CMSS1: variants seen among roughly 807,000 people sequenced by gnomAD.
CMSS1 encodes protein CMSS1.
CMSS1 carries 33 observed loss-of-function variants against 43.5 expected under a neutral mutation model. The ratio of observed to expected loss-of-function variants is 0.76; its 90% confidence interval spans 0.57 to 1.01. The LOEUF is 1.01. CMSS1 is among the 50% of genes least tolerant of loss of function. The pLI is 0.00. For synonymous variants in CMSS1, 115 were observed against 117.2 expected (o/e 0.98, Z 0.12); for missense variants, 313 against 326.4 (o/e 0.96, Z 0.32).
chr3:99,866,630 C>A (rs1055758225), intron 1 of CMSS1, among the ~76,000 whole-genome samples: 1 of 152,100 alleles, frequency 6.6e-6, no homozygotes, highest in Admixed American at 6.6e-5. Flanking sequence ...GAGGTTCAGG[C>A]AGTTAGAGGA....
intron 1 of CMSS1, among the ~76,000 whole-genome samples, chr3:99,889,234 TTG>T (rs1254208153): frequency 2.0e-5 from 3 of 152,076 alleles, no homozygotes; most frequent in Non-Finnish European, 2.9e-5. Flanking sequence ...ATGGATTAGT[TTG>T]TCCTTGTGTT....
At chr3:99,980,809 A>G (rs1017769537) in intron 1 of CMSS1, among the ~76,000 whole-genome samples, 1 of 152,144 alleles carries the variant, frequency 6.6e-6, no homozygotes, top group Non-Finnish European at 1.5e-5. Context: ...AGAGAGAGTG[A>G]GTGACATGTT....
chr3:100,149,274 GA>G (rs1235437320), intron 2 of CMSS1, among the ~76,000 whole-genome samples: 1 of 152,144 alleles, frequency 6.6e-6, no homozygotes, highest in East Asian at 1.9e-4. Flanking sequence ...ACTTTACAAA[GA>G]ACCAGAGGCT....
chr3:100,003,949 A>C (rs1189399994), intron 1 of CMSS1, among the ~76,000 whole-genome samples: 1 of 152,198 alleles, frequency 6.6e-6, no homozygotes, highest in African/African-American at 2.4e-5. Context: ...GTATTCAATG[A>C]GTCTATGCCT....
intron 1 of CMSS1, among the ~76,000 whole-genome samples, chr3:100,100,778 AG>A (rs200174972): frequency 0.012 from 1,816 of 152,292 alleles, 30 homozygotes; most frequent in African/African-American, 0.041. Context: ...AGACCTCGCA[AG>A]GTTAGTATCG....
chr3:100,141,512 G>C (rs763114424), intron 1 of CMSS1: 70 of 455,878 alleles, frequency 1.5e-4, no homozygotes, highest in Non-Finnish European at 3.0e-4. Context: ...ACAATTGACT[G>C]TATGATCCCA....
In CMSS1 at chr3:99,850,430, C is replaced by T. The variant is rs537419810; in HGVS notation, c.64+32387C>T. On this transcript the variant is annotated intron_variant, in intron 1 of 9. Transcript: ENST00000421999. ...ATTCTTTTACTGAGTTTTTCAACCT[C>T]TAGTTTAAAGTCTTTACTCTGTAAC... 4.3e-6 allele frequency: 7 copies of T among 1,614,026 alleles called. No homozygotes were observed. The East Asian group carries it at 1.6e-4, about 36-fold the overall frequency.
chr3:99,951,911 G>T (rs930844761), intron 1 of CMSS1, among the ~76,000 whole-genome samples: 1 of 152,186 alleles, frequency 6.6e-6, no homozygotes, highest in Non-Finnish European at 1.5e-5. Context: ...GCCATATTTT[G>T]CTGACCCTTG....
chr3:100,126,961 G>A (rs1360790594), intron 1 of CMSS1, among the ~76,000 whole-genome samples: 1 of 151,610 alleles, frequency 6.6e-6, no homozygotes, highest in Non-Finnish European at 1.5e-5. Flanking sequence ...TCTCGCCACT[G>A]CACTCTAGCC....
intron 1 of CMSS1, among the ~76,000 whole-genome samples, chr3:99,940,601 A>G (rs1435486354): frequency 6.6e-6 from 1 of 152,242 alleles, no homozygotes; most frequent in Non-Finnish European, 1.5e-5. Flanking sequence ...TTTCCATTGT[A>G]TCACTTCTTG....
intron 1 of CMSS1, among the ~76,000 whole-genome samples, chr3:99,973,705 G>A (rs1427446184): frequency 6.6e-6 from 1 of 152,108 alleles, no homozygotes; most frequent in Non-Finnish European, 1.5e-5. Flanking sequence ...AAAATAAATG[G>A]ATCTGCACTC....
intron 1 of CMSS1, among the ~76,000 whole-genome samples, chr3:99,841,108 G>C (rs1292519703): frequency 6.6e-6 from 1 of 152,240 alleles, no homozygotes; most frequent in Non-Finnish European, 1.5e-5. Flanking sequence ...TTGATCGATT[G>C]TGTACATGTG....
intron 1 of CMSS1, among the ~76,000 whole-genome samples, chr3:99,865,450 G>T (rs1188024072): frequency 2.6e-5 from 4 of 152,162 alleles, no homozygotes; most frequent in Non-Finnish European, 5.9e-5. Context: ...TAGCAATTCA[G>T]TGTTGTGTCA....
At chr3:99,879,974 GCTACCTTCTACCAC>G (rs1329063398) in intron 1 of CMSS1, among the ~76,000 whole-genome samples, 2 of 152,054 alleles carry the variant, frequency 1.3e-5, no homozygotes, top group African/African-American at 4.8e-5. Flanking sequence ...TGCACCCCAC[GCTACCTTCTACCAC>G]CTTACCCACA....
chr3:100,161,564 A>C (rs2067023613), intron 3 of CMSS1, among the ~76,000 whole-genome samples: 2 of 152,022 alleles, frequency 1.3e-5, no homozygotes, highest in African/African-American at 4.8e-5. Context: ...GGAGGGGGAA[A>C]ATCTGGGGTC....
intron 1 of CMSS1, among the ~76,000 whole-genome samples, chr3:100,112,087 C>G (rs146027862): frequency 1.3e-5 from 2 of 152,280 alleles, no homozygotes; most frequent in East Asian, 1.9e-4. Flanking sequence ...AATGAGCAAA[C>G]AAACTAAGCT....
chr3:99,864,661 T>C (rs905385335), intron 1 of CMSS1, among the ~76,000 whole-genome samples: 5 of 152,096 alleles, frequency 3.3e-5, no homozygotes, highest in Non-Finnish European at 7.4e-5. Flanking sequence ...CTCCACCCAC[T>C]TGGCTCCCTG....
intron 1 of CMSS1, among the ~76,000 whole-genome samples, chr3:99,999,685 G>A (rs1709787067): frequency 6.6e-6 from 1 of 152,122 alleles, no homozygotes; most frequent in Admixed American, 6.5e-5. Context: ...ATGGTTCATT[G>A]CTTTATGATT....
In CMSS1 at chr3:99,963,589, G is replaced by A. The variant is rs9829693; in HGVS notation, c.64+145546G>A. On this transcript the variant is annotated intron_variant, in intron 1 of 9. Transcript: ENST00000421999. Reference sequence around the variant, plus strand: ...TTTAGCACTCCTCTTTGCCTTGATGGTGTTACCTGAATATGCATCCATTTT... The same window carrying A: ...TTTAGCACTCCTCTTTGCCTTGATGATGTTACCTGAATATGCATCCATTTT... Among the ~76,000 whole-genome samples the A allele has an allele frequency of 5.0e-3, 757 of 152,086 alleles. 5 individuals are homozygous for A. Among genetic ancestry groups the A allele is most frequent in the African/African-American group, 0.017 (711 of 41,470 alleles).
Sources: gnomAD v4.1 joint callset for allele counts (sites outside exome capture counted in the v4.1 genomes callset) on GRCh38, gnomAD v4.1.1 for gene constraint, MANE v1.5 for transcripts, NCBI Gene and HGNC (gene_info 2026-07-23, HGNC 2026-07-21) for gene names.